Variants in SFMBT2 observed in about 807,000 individuals in gnomAD.
SFMBT2 encodes Scm like with four mbt domains 2.
Under a neutral mutation model 110.1 loss-of-function variants are expected in SFMBT2, and 38 were observed. The ratio of observed to expected loss-of-function variants is 0.35; its 90% confidence interval spans 0.27 to 0.45. The LOEUF (loss-of-function observed/expected upper bound fraction) is 0.45, where lower values mean the gene tolerates loss of function less well. SFMBT2 is among the 20% of genes least tolerant of loss of function. The pLI is 1.00. For missense variants in SFMBT2, 1,011 were observed against 1,094.9 expected, an observed-to-expected ratio of 0.92 and a Z score of 1.08; for synonymous variants, 425 against 425.4, an observed-to-expected ratio of 1.00 and a Z score of 0.01.
At chr10:7,184,721 C>A (rs1363436152) in intron 16 of SFMBT2, among the ~76,000 whole-genome samples, 1 of 152,046 alleles carries the variant, frequency 6.6e-6, no homozygotes, top group Non-Finnish European at 1.5e-5. Flanking sequence ...CCTTATGAGA[C>A]CTTTTAACAA....
intron 1 of SFMBT2, among the ~76,000 whole-genome samples, chr10:7,395,701 CTTT>C (rs34293825): frequency 7.4e-6 from 1 of 135,580 alleles, no homozygotes. Flanking sequence ...TCTAAAAGCT[CTTT>C]TTTTTTTTTT....
Position 7,283,950 on chromosome 10 carries a change from T to C in SFMBT2, c.726A>G (p.Pro242=). The C allele has an allele frequency of 3.1e-6, 5 of 1,607,342 alleles. No individual in the cohort carries two copies. The highest frequency in any genetic ancestry group is 4.3e-6 in the Non-Finnish European group (5 of 1,173,752). The part of the protein sequence containing the change: ...WLFYLDYRLR[P]VGWCQENKYR... The stretch of plus-strand genomic sequence containing the variant: ...ATTTATTCTCTTGACACCAACCAAC[T>C]GGTCGAAGTCTGTAATCCAAGTAAA... The change falls in exon 6 of 21, where the codon CCA becomes CCG. Residue 242 remains proline, a synonymous_variant. Coordinates refer to ENST00000397167, the MANE Select transcript of SFMBT2 (RefSeq NM_001387889.1).
At chr10:7,300,510 C>G (rs1285828892) in intron 4 of SFMBT2, among the ~76,000 whole-genome samples, 2 of 152,196 alleles carry the variant, frequency 1.3e-5, no homozygotes, top group South Asian at 2.1e-4. Context: ...GCCTGCAGTT[C>G]ACACTGCCCC....
chr10:7,318,477 C>G (rs917424654), intron 4 of SFMBT2, among the ~76,000 whole-genome samples: 3 of 152,160 alleles, frequency 2.0e-5, no homozygotes, highest in Admixed American at 1.3e-4. Context: ...CAGCCAATGC[C>G]CAAGTACTTG....
intron 4 of SFMBT2, among the ~76,000 whole-genome samples, chr10:7,343,173 T>C (rs1843985286): frequency 6.6e-6 from 1 of 152,124 alleles, no homozygotes; most frequent in African/African-American, 2.4e-5. Context: ...TTGCTTAGGA[T>C]GGCCTCCAGG....
chr10:7,262,394 G>A (rs2131777821), intron 7 of SFMBT2, among the ~76,000 whole-genome samples: 1 of 152,164 alleles, frequency 6.6e-6, no homozygotes, highest in Non-Finnish European at 1.5e-5. Flanking sequence ...AAAAAATCAG[G>A]CACAATGATC....
intron 7 of SFMBT2, among the ~76,000 whole-genome samples, chr10:7,266,142 T>C (rs1396039749): frequency 1.3e-5 from 2 of 151,246 alleles, no homozygotes; most frequent in Middle Eastern, 3.4e-3. Context: ...CAGGCTGGAG[T>C]GCAATAGCAT....
In SFMBT2 at chr10:7,161,184, G is replaced by A. The variant is rs905676324; in HGVS notation, c.*2586C>T. ...GCTGTATCCTTCCTGAGCTCCTGGC[G>A]GGCCACACACTCTAGCTTCCTAGAT... On this transcript the variant is annotated 3_prime_UTR_variant, in exon 21 of 21. Transcript: ENST00000397167. 8 of 152,172 alleles carry A rather than the reference G, an allele frequency of 5.3e-5. No homozygotes were observed. Among genetic ancestry groups the A allele is most frequent in the Non-Finnish European group, 8.8e-5 (6 of 68,042 alleles). The allele number at this position is 152,172 out of a possible 1,614,324, so 9.4% of individuals were successfully genotyped here.
chr10:7,316,424 C>T (rs1030575323), intron 4 of SFMBT2, among the ~76,000 whole-genome samples: 1 of 152,116 alleles, frequency 6.6e-6, no homozygotes, highest in East Asian at 1.9e-4. Flanking sequence ...GAAAGGGAAG[C>T]GCCAATGGGT....
chr10:7,186,241 C>G (rs1302868234), intron 16 of SFMBT2, among the ~76,000 whole-genome samples: 1 of 151,850 alleles, frequency 6.6e-6, no homozygotes, highest in Non-Finnish European at 1.5e-5. Flanking sequence ...AAAAAACAAC[C>G]AGAAATCCTA....
chr10:7,356,429 T>C (rs576563342), intron 4 of SFMBT2, among the ~76,000 whole-genome samples: 103 of 152,296 alleles, frequency 6.8e-4, no homozygotes, highest in African/African-American at 2.4e-3. Context: ...TGTTTTGTTT[T>C]GTTTGAGATG....
At chr10:7,319,990 G>A (rs1843132531) in intron 4 of SFMBT2, among the ~76,000 whole-genome samples, 1 of 151,538 alleles carries the variant, frequency 6.6e-6, no homozygotes, top group South Asian at 2.1e-4. Flanking sequence ...CACAGAGAGA[G>A]AGACAGAGAG....
chr10:7,274,708 A>T (rs1841712168), intron 7 of SFMBT2, among the ~76,000 whole-genome samples: 1 of 152,170 alleles, frequency 6.6e-6, no homozygotes, highest in African/African-American at 2.4e-5. Context: ...CTAATACATT[A>T]GCTAGGTGTG....
chr10:7,220,572 C>T, intron 10 of SFMBT2, 35 bp from the exon 11 acceptor site: 1 of 1,612,438 alleles, frequency 6.2e-7, no homozygotes, highest in Non-Finnish European at 8.5e-7. Flanking sequence ...TGAGCCAGTG[C>T]TGACGCAGCA....
At chr10:7,237,042 G>C (rs1470471048) in intron 9 of SFMBT2, among the ~76,000 whole-genome samples, 3 of 152,164 alleles carry the variant, frequency 2.0e-5, no homozygotes, top group Non-Finnish European at 4.4e-5. Context: ...CCCTCAGAGG[G>C]GCCATGCTTA....
rs1837866721 is a variant in SFMBT2 at position 7,171,325 on chromosome 10, T to C, written c.2416-269A>G. The C allele has an allele frequency of 3.0e-5, 29 of 959,062 alleles. No homozygotes were observed. Among genetic ancestry groups the C allele is most frequent in the Non-Finnish European group, 3.5e-5 (28 of 806,006 alleles). 59.4% of individuals were successfully genotyped at this position (959,062 alleles called of 1,614,324 possible). ...TCTTGCATCCCTAGTTCAGGAAACC[T>C]TGGGCCTGCTTATGAACGAAGCATC... On this transcript the variant is annotated intron_variant, in intron 19 of 20. Coordinates refer to ENST00000397167, the MANE Select transcript of SFMBT2 (RefSeq NM_001387889.1). The surrounding 1 kb of genome is among the most constrained non-coding windows in gnomAD (Gnocchi z 4.9).
At chr10:7,309,697 T>C (rs1346566017) in intron 4 of SFMBT2, among the ~76,000 whole-genome samples, 1 of 152,216 alleles carries the variant, frequency 6.6e-6, no homozygotes, top group Admixed American at 6.5e-5. Context: ...TACATTTTTA[T>C]AAGGGAACAT....
chr10:7,280,321 G>A (rs1256040294), intron 6 of SFMBT2, among the ~76,000 whole-genome samples: 2 of 152,052 alleles, frequency 1.3e-5, no homozygotes, highest in East Asian at 1.9e-4. Flanking sequence ...AATAGTTCAG[G>A]CAGAAAGTAT....
intron 6 of SFMBT2, among the ~76,000 whole-genome samples, chr10:7,279,097 A>G (rs1373137380): frequency 6.6e-6 from 1 of 151,448 alleles, no homozygotes; most frequent in Non-Finnish European, 1.5e-5. Flanking sequence ...AAAAAACCAA[A>G]CAAACAAGAA....
Sources: allele counts gnomAD v4.1 joint callset (sites outside exome capture counted in the v4.1 genomes callset), GRCh38; gene constraint gnomAD v4.1.1; non-coding constraint Gnocchi (gnomAD v3.1); transcripts MANE v1.5; gene names NCBI Gene and HGNC (gene_info 2026-07-23, HGNC 2026-07-21).